Variants in HEMK2 observed in about 807,000 individuals in gnomAD.
HEMK2 encodes the protein HemK methyltransferase 2, ETF1 glutamine and histone H4 lysine, also known as methyltransferase HEMK2.
the HEMK2 span, among the ~76,000 whole-genome samples, chr21:28,884,910 CTCAGGGACATGTGT>C: frequency 3.3e-5 from 5 of 152,170 alleles, no homozygotes; most frequent in Admixed American, 2.0e-4. Flanking sequence ...TATCGCTTCT[CTCAGGGACATGTGT>C]TCTTCAGATT....
chr21:28,738,405 T>C, the HEMK2 span, among the ~76,000 whole-genome samples: 2 of 152,190 alleles, frequency 1.3e-5, no homozygotes, highest in East Asian at 1.9e-4. Flanking sequence ...ATGTTGCCAA[T>C]GTGTTTTTCC....
chr21:28,595,662 T>C, the HEMK2 span, among the ~76,000 whole-genome samples: 3 of 152,232 alleles, frequency 2.0e-5, no homozygotes, highest in Non-Finnish European at 2.9e-5. Context: ...CTCTTCGATA[T>C]GTTGATTTCC....
At chr21:28,688,141 T>C in the HEMK2 span, among the ~76,000 whole-genome samples, 2 of 152,178 alleles carry the variant, frequency 1.3e-5, no homozygotes, top group Non-Finnish European at 2.9e-5. Context: ...CATTCACAAC[T>C]GCACGTCAAA....
chr21:28,801,069 C>G, the HEMK2 span, among the ~76,000 whole-genome samples: 1 of 152,218 alleles, frequency 6.6e-6, no homozygotes, highest in Non-Finnish European at 1.5e-5. Flanking sequence ...AAAGAACACA[C>G]TGTGGAAGAA....
chr21:28,675,204 T>G, the HEMK2 span, among the ~76,000 whole-genome samples: 14 of 152,240 alleles, frequency 9.2e-5, no homozygotes, highest in Non-Finnish European at 1.3e-4. Flanking sequence ...CTTATTCCTC[T>G]TTTATGTACA....
At chr21:28,732,519 G>A in the HEMK2 span, among the ~76,000 whole-genome samples, 2 of 152,210 alleles carry the variant, frequency 1.3e-5, no homozygotes, top group African/African-American at 2.4e-5. Flanking sequence ...AATACTGTGG[G>A]TTGTGGACAT....
the HEMK2 span, among the ~76,000 whole-genome samples, chr21:28,725,764 C>A: frequency 6.6e-6 from 1 of 152,182 alleles, no homozygotes; most frequent in Admixed American, 6.5e-5. Flanking sequence ...TTCAATTTGT[C>A]TATTTTTACT....
the HEMK2 span, among the ~76,000 whole-genome samples, chr21:28,871,683 T>G: frequency 6.6e-6 from 1 of 152,150 alleles, no homozygotes; most frequent in Non-Finnish European, 1.5e-5. Context: ...TTTACAACTG[T>G]TTGTTGTAAA....
the HEMK2 span, among the ~76,000 whole-genome samples, chr21:28,858,763 T>A: frequency 6.6e-6 from 1 of 152,138 alleles, no homozygotes; most frequent in Non-Finnish European, 1.5e-5. Flanking sequence ...AGAAATTTTT[T>A]AAAAGGGACC....
the HEMK2 span, among the ~76,000 whole-genome samples, chr21:28,878,009 T>TACCTC: frequency 6.6e-6 from 1 of 152,214 alleles, no homozygotes; most frequent in Non-Finnish European, 1.5e-5. Flanking sequence ...CAGAAAAATT[T>TACCTC]ACCTCTGAAA....
chr21:28,826,495 T>C, the HEMK2 span, among the ~76,000 whole-genome samples: 1 of 152,156 alleles, frequency 6.6e-6, no homozygotes, highest in African/African-American at 2.4e-5. Flanking sequence ...CAAATCTCTT[T>C]CATAACCAAA....
chr21:28,773,508 G>A, the HEMK2 span, among the ~76,000 whole-genome samples: 1 of 152,118 alleles, frequency 6.6e-6, no homozygotes, highest in African/African-American at 2.4e-5. Flanking sequence ...CTAAAAGATT[G>A]AAAAGATTGT....
At chr21:28,632,507 G>GT in the HEMK2 span, among the ~76,000 whole-genome samples, 2 of 152,290 alleles carry the variant, frequency 1.3e-5, no homozygotes, top group Middle Eastern at 6.8e-3. Context: ...ATTATTCTCA[G>GT]TAACAGCATA....
At chr21:28,683,702 A>G in the HEMK2 span, among the ~76,000 whole-genome samples, 1 of 152,232 alleles carries the variant, frequency 6.6e-6, no homozygotes, top group Admixed American at 6.5e-5. Context: ...CTCCAGTGTT[A>G]GCGATTATGA....
the HEMK2 span, among the ~76,000 whole-genome samples, chr21:28,706,207 T>C: frequency 6.6e-6 from 1 of 152,238 alleles, no homozygotes; most frequent in Admixed American, 6.5e-5. Flanking sequence ...CAAACCTGTC[T>C]CTAAATCTCC....
At chr21:28,862,625 G>A in the HEMK2 span, among the ~76,000 whole-genome samples, 301 of 120,578 alleles carry the variant, frequency 2.5e-3, 41 homozygotes, top group African/African-American at 0.011. Context: ...CGGCCTGGGC[G>A]ACAGAGCGAG....
chr21:28,617,241 T>C, the HEMK2 span, among the ~76,000 whole-genome samples: 1 of 152,084 alleles, frequency 6.6e-6, no homozygotes, highest in Non-Finnish European at 1.5e-5. Flanking sequence ...GGCCCTAAGA[T>C]GGGAAGCAGT....
chr21:28,632,300 G>A, the HEMK2 span, among the ~76,000 whole-genome samples: 1 of 152,326 alleles, frequency 6.6e-6, no homozygotes, highest in South Asian at 2.1e-4. Flanking sequence ...AGAAATCAGT[G>A]TGTCTTGGGT....
chr21:28,612,268 T>A, the HEMK2 span, among the ~76,000 whole-genome samples: 1 of 151,652 alleles, frequency 6.6e-6, no homozygotes, highest in Non-Finnish European at 1.5e-5. Context: ...AATGCAGGAA[T>A]AGTTTAACAT....
Sources: gnomAD v4.1 joint callset for allele counts (sites outside exome capture counted in the v4.1 genomes callset) on GRCh38, gnomAD v4.1.1 for gene constraint, MANE v1.5 for transcripts, NCBI Gene and HGNC (gene_info 2026-07-23, HGNC 2026-07-21) for gene names.